The following NCKAP5 variants were observed in gnomAD, a reference collection of about 807,000 sequenced individuals.
NCKAP5 encodes nck-associated protein 5.
NCKAP5 carries 92 observed loss-of-function variants against 167.0 expected under a neutral mutation model. That is an observed-to-expected ratio of 0.55 (90% CI 0.47 to 0.66). The LOEUF (loss-of-function observed/expected upper bound fraction) is 0.66. Among genes scored for constraint, NCKAP5 ranks in the 30% least tolerant of loss-of-function variants. The pLI, the probability that NCKAP5 is intolerant of heterozygous loss-of-function variation, is 0.00. For synonymous variants in NCKAP5, 891 were observed against 877.4 expected (o/e 1.02, Z -0.27); for missense variants, 2,378 against 2,315.0 (o/e 1.03, Z -0.56).
At chr2:132,866,789 T>C (rs1315184009) in intron 10 of NCKAP5, among the ~76,000 whole-genome samples, 2 of 152,210 alleles carry the variant, frequency 1.3e-5, no homozygotes, top group African/African-American at 4.8e-5. Context: ...TCAAGATTTT[T>C]TTCTGTTTTG....
intron 3 of NCKAP5, chr2:133,433,430 C>T (rs1462003497): frequency 6.6e-6 from 1 of 152,174 alleles, no homozygotes. Flanking sequence ...TTCCACTGTT[C>T]CAGGGATCTC....
At chr2:133,186,143 C>T (rs2084936093) in intron 5 of NCKAP5, among the ~76,000 whole-genome samples, 1 of 151,964 alleles carries the variant, frequency 6.6e-6, no homozygotes. Flanking sequence ...CCTTCGATGC[C>T]TAGTCTGTTG....
At chr2:132,718,728 T>C (rs553806440) in intron 19 of NCKAP5, among the ~76,000 whole-genome samples, 3 of 152,206 alleles carry the variant, frequency 2.0e-5, no homozygotes, top group Non-Finnish European at 4.4e-5. Context: ...CATAAGGGGC[T>C]ACACAAGACC....
rs1181502691 is a variant in NCKAP5, at chr2:132,738,647, T to C, written c.5129-6596A>G. On this transcript the variant is annotated intron_variant, in intron 16 of 19. Coordinates refer to ENST00000409261, the MANE Select transcript of NCKAP5 (RefSeq NM_207363.3). ...TGCCTTAGTCCATGTTGCATTGCTA[T>C]AAATGGGTACCTAAGACTGAATAAC... 2.0e-5 allele frequency among the ~76,000 whole-genome samples: 3 copies of C among 152,234 alleles called. No individual in the cohort carries two copies. In the East Asian group the frequency reaches 5.8e-4, roughly 29 times the overall value.
At chr2:133,619,987 T>C in the NCKAP5 span, among the ~76,000 whole-genome samples, 2 of 152,166 alleles carry the variant, frequency 1.3e-5, no homozygotes, top group East Asian at 3.9e-4. Context: ...AGAAAATTTA[T>C]GCTTAGTGAA....
intron 2 of NCKAP5, among the ~76,000 whole-genome samples, chr2:133,546,845 A>G (rs1286472625): frequency 6.6e-6 from 1 of 152,222 alleles, no homozygotes; most frequent in Non-Finnish European, 1.5e-5. Context: ...TCTTTGTCCA[A>G]TGCTTCAAAA....
chr2:133,565,023 G>A (rs1037549883), intron 1 of NCKAP5, among the ~76,000 whole-genome samples: 1 of 152,216 alleles, frequency 6.6e-6, no homozygotes, highest in Admixed American at 6.5e-5. Context: ...ATGGTGCACA[G>A]GGACACCTAC....
At chr2:132,959,079 TTAA>T (rs2076430013) in intron 8 of NCKAP5, among the ~76,000 whole-genome samples, 1 of 145,966 alleles carries the variant, frequency 6.9e-6, no homozygotes, top group Non-Finnish European at 1.5e-5. Flanking sequence ...TAATAATATA[TTAA>T]TAAATATATT....
chr2:132,724,326 T>C (rs187117994), intron 19 of NCKAP5, among the ~76,000 whole-genome samples: 2 of 152,216 alleles, frequency 1.3e-5, no homozygotes, highest in Non-Finnish European at 1.5e-5. Flanking sequence ...GTTTACTATC[T>C]GGAAGGGATC....
At chr2:132,731,164 C>G (rs557092637) in intron 17 of NCKAP5, among the ~76,000 whole-genome samples, 1 of 152,196 alleles carries the variant, frequency 6.6e-6, no homozygotes, top group Non-Finnish European at 1.5e-5. Flanking sequence ...ACTGATGACC[C>G]TTAGCCCAGC....
At chr2:133,116,738 A>C (rs2082097127) in intron 6 of NCKAP5, among the ~76,000 whole-genome samples, 1 of 152,218 alleles carries the variant, frequency 6.6e-6, no homozygotes, top group African/African-American at 2.4e-5. Context: ...CCCTTAAGGG[A>C]CAGACAGACC....
chr2:132,837,367 T>C (rs1040420156), intron 11 of NCKAP5, among the ~76,000 whole-genome samples: 61 of 152,154 alleles, frequency 4.0e-4, no homozygotes, highest in African/African-American at 1.4e-3. Flanking sequence ...ACTATTATTC[T>C]TATGGCTACA....
At chr2:133,486,537 G>T (rs1485525571) in intron 3 of NCKAP5, among the ~76,000 whole-genome samples, 1 of 152,106 alleles carries the variant, frequency 6.6e-6, no homozygotes, top group East Asian at 1.9e-4. Flanking sequence ...ATTTAAAGTA[G>T]GAAAGCCCTT....
In NCKAP5 at chr2:132,883,019, C is replaced by T. The variant is rs545190098; in HGVS notation, c.580-4103G>A. Among the ~76,000 whole-genome samples, 6 of 151,996 alleles carry T rather than the reference C, an allele frequency of 3.9e-5. No individual in the cohort carries two copies. In the South Asian group the frequency reaches 8.3e-4, roughly 21 times the overall value. The stretch of plus-strand genomic sequence containing the variant: ...ACCGGCCTGGGCGACATAGTGAGAT[C>T]TCCATCTCTACTAAAAATAAAATAA... On this transcript the variant is annotated intron_variant, in intron 8 of 19. Transcript: ENST00000409261.
intron 6 of NCKAP5, among the ~76,000 whole-genome samples, chr2:133,036,897 T>C (rs928672177): frequency 2.6e-5 from 4 of 152,054 alleles, no homozygotes; most frequent in African/African-American, 7.2e-5. Flanking sequence ...TGGCAGATGA[T>C]ATGATCTTAT....
intron 11 of NCKAP5, among the ~76,000 whole-genome samples, chr2:132,804,061 AAAAC>A (rs3043673): frequency 5.5e-4 from 83 of 152,000 alleles, no homozygotes; most frequent in Admixed American, 2.4e-3. Flanking sequence ...AAGTCTTTAC[AAAAC>A]AAACAAACAA....
intron 2 of NCKAP5, among the ~76,000 whole-genome samples, chr2:133,538,548 A>G (rs1038472975): frequency 6.6e-6 from 1 of 152,084 alleles, no homozygotes; most frequent in Non-Finnish European, 1.5e-5. Context: ...ATTTCTGTGA[A>G]CAAAAAAAAA....
chr2:132,775,100 C>T (rs1174105646), intron 15 of NCKAP5, among the ~76,000 whole-genome samples: 3 of 152,168 alleles, frequency 2.0e-5, no homozygotes, highest in Admixed American at 6.5e-5. Context: ...ATGATAATAA[C>T]GTGCAATGCA....
At chr2:133,127,657 A>G (rs2082446966) in intron 6 of NCKAP5, among the ~76,000 whole-genome samples, 1 of 152,230 alleles carries the variant, frequency 6.6e-6, no homozygotes, top group East Asian at 1.9e-4. Flanking sequence ...GCTTGAATAT[A>G]GAGACATCTC....
Sources: allele counts gnomAD v4.1 joint callset (sites outside exome capture counted in the v4.1 genomes callset), GRCh38; gene constraint gnomAD v4.1.1; transcripts MANE v1.5; gene names NCBI Gene and HGNC (gene_info 2026-07-23, HGNC 2026-07-21).